The following ZNF804A variants were observed in gnomAD, a reference collection of about 807,000 sequenced individuals.
ZNF804A encodes the protein zinc finger protein 804A.
A neutral mutation model predicts 16.5 loss-of-function variants in ZNF804A; 2 were observed. The ratio of observed to expected loss-of-function variants is 0.12; its 90% CI spans 0.05 to 0.38. The LOEUF is 0.38. Among genes scored for constraint, ZNF804A ranks in the 10% least tolerant of loss-of-function variants. ZNF804A has a pLI of 0.99. For missense variants in ZNF804A, 1,473 were observed against 1,390.7 expected, an observed-to-expected ratio of 1.06 and a Z score of -0.94; for synonymous variants, 534 against 489.6, an observed-to-expected ratio of 1.09 and a Z score of -1.20.
intron 1 of ZNF804A, among the ~76,000 whole-genome samples, chr2:184,662,227 A>C (rs2105706984): frequency 6.6e-6 from 1 of 152,308 alleles, no homozygotes; most frequent in South Asian, 2.1e-4. Context: ...TTGTGTCATC[A>C]ATATGGAGTT....
At chr2:184,865,617 G>A (rs935616121) in intron 1 of ZNF804A, among the ~76,000 whole-genome samples, 13 of 152,056 alleles carry the variant, frequency 8.5e-5, no homozygotes, top group Middle Eastern at 3.4e-3. Context: ...CAAACATTTG[G>A]CCATTTTATG....
intron 1 of ZNF804A, among the ~76,000 whole-genome samples, chr2:184,644,209 T>C (rs1235812912): frequency 2.0e-5 from 3 of 146,598 alleles, no homozygotes; most frequent in Non-Finnish European, 4.5e-5. Context: ...AGGAGAGATA[T>C]GAAGATTGCA....
intron 1 of ZNF804A, among the ~76,000 whole-genome samples, chr2:184,636,802 G>C (rs1691707261): frequency 6.6e-6 from 1 of 152,008 alleles, no homozygotes; most frequent in South Asian, 2.1e-4. Flanking sequence ...TAGTGGTATT[G>C]TATGTTCTAA....
intron 1 of ZNF804A, among the ~76,000 whole-genome samples, chr2:184,753,701 C>A (rs1693910781): frequency 6.6e-6 from 1 of 151,712 alleles, no homozygotes; most frequent in Non-Finnish European, 1.5e-5. Flanking sequence ...CTTTCTAAAT[C>A]CAATTTAGTA....
At chr2:184,743,463 G>A (rs536288303) in intron 1 of ZNF804A, among the ~76,000 whole-genome samples, 19 of 152,012 alleles carry the variant, frequency 1.2e-4, no homozygotes, top group Middle Eastern at 3.4e-3. Flanking sequence ...CAAGTAAAAT[G>A]TTTACTCATG....
At chr2:184,724,720 A>G (rs1693377486) in intron 1 of ZNF804A, among the ~76,000 whole-genome samples, 1 of 151,762 alleles carries the variant, frequency 6.6e-6, no homozygotes, top group Admixed American at 6.6e-5. Flanking sequence ...ACTACAAAGA[A>G]GGGCATGTAA....
At chr2:184,771,449 T>G (rs1694212018) in intron 1 of ZNF804A, among the ~76,000 whole-genome samples, 1 of 151,892 alleles carries the variant, frequency 6.6e-6, no homozygotes, top group South Asian at 2.1e-4. Flanking sequence ...TCTATTGCAG[T>G]TAAGATGTCT....
intron 1 of ZNF804A, among the ~76,000 whole-genome samples, chr2:184,717,551 C>T (rs767707360): frequency 2.6e-5 from 4 of 152,138 alleles, no homozygotes; most frequent in Non-Finnish European, 4.4e-5. Flanking sequence ...TGTGAATTCA[C>T]ACAAGTAAGA....
At chr2:184,834,634 G>A (rs1296298641) in intron 1 of ZNF804A, among the ~76,000 whole-genome samples, 1 of 151,952 alleles carries the variant, frequency 6.6e-6, no homozygotes, top group Non-Finnish European at 1.5e-5. Flanking sequence ...AACAAAGGAG[G>A]GTTCAGTCTA....
At chr2:184,739,649 C>G (rs1693683797) in intron 1 of ZNF804A, among the ~76,000 whole-genome samples, 1 of 152,162 alleles carries the variant, frequency 6.6e-6, no homozygotes, top group Admixed American at 6.5e-5. Flanking sequence ...GCCTCGGCCT[C>G]CCAAAGTGCT....
At chr2:184,799,624 G>A (rs987286058) in intron 1 of ZNF804A, among the ~76,000 whole-genome samples, 3 of 152,128 alleles carry the variant, frequency 2.0e-5, no homozygotes, top group African/African-American at 7.2e-5. Context: ...CCTAGGCTCA[G>A]ATGATCCTTT....
chr2:184,907,094 A>G (rs1166879451), intron 2 of ZNF804A, among the ~76,000 whole-genome samples: 1 of 152,102 alleles, frequency 6.6e-6, no homozygotes, highest in African/African-American at 2.4e-5. Flanking sequence ...CCAGATGAGA[A>G]CCCAGTCTTT....
chr2:184,750,266 C>A (rs1228469644), intron 1 of ZNF804A, among the ~76,000 whole-genome samples: 2 of 151,212 alleles, frequency 1.3e-5, no homozygotes, highest in Non-Finnish European at 3.0e-5. Context: ...CATAGCATAA[C>A]CAAGTTGCCA....
At chr2:184,777,979 A>C (rs1006959761) in intron 1 of ZNF804A, among the ~76,000 whole-genome samples, 2 of 151,740 alleles carry the variant, frequency 1.3e-5, no homozygotes, top group African/African-American at 4.8e-5. Context: ...ATTCATTTAC[A>C]AAATGTAATT....
At chr2:184,699,229 T>C (rs548468410) in intron 1 of ZNF804A, among the ~76,000 whole-genome samples, 33 of 152,104 alleles carry the variant, frequency 2.2e-4, no homozygotes, top group Non-Finnish European at 4.3e-4. Flanking sequence ...CTAATTTGAA[T>C]CTAAATAGAA....
chr2:184,931,578 T>C (rs1459099853), intron 2 of ZNF804A, among the ~76,000 whole-genome samples: 2 of 152,184 alleles, frequency 1.3e-5, no homozygotes, highest in Non-Finnish European at 2.9e-5. Flanking sequence ...AGGCTCTGGG[T>C]CTGGCCCACA....
At chr2:184,856,182 T>C (rs1267335103) in intron 1 of ZNF804A, among the ~76,000 whole-genome samples, 2 of 152,066 alleles carry the variant, frequency 1.3e-5, no homozygotes, top group Non-Finnish European at 2.9e-5. Context: ...TAAAGAACCA[T>C]AAAGCATATC....
chr2:184,935,217 A>G (rs1008427352), intron 3 of ZNF804A, among the ~76,000 whole-genome samples: 1 of 152,180 alleles, frequency 6.6e-6, no homozygotes, highest in Non-Finnish European at 1.5e-5. Flanking sequence ...TGAGACTAAC[A>G]ATTTCAAAAG....
intron 1 of ZNF804A, among the ~76,000 whole-genome samples, chr2:184,610,535 C>T (rs1332446258): frequency 6.7e-6 from 1 of 150,102 alleles, no homozygotes; most frequent in Non-Finnish European, 1.5e-5. Flanking sequence ...TGGTCAAGGA[C>T]AAAAAGATGG....
Sources: allele counts gnomAD v4.1 joint callset (sites outside exome capture counted in the v4.1 genomes callset), GRCh38; gene constraint gnomAD v4.1.1; transcripts MANE v1.5; gene names NCBI Gene and HGNC (gene_info 2026-07-23, HGNC 2026-07-21).